PDE4D: variants seen among roughly 807,000 people sequenced by gnomAD.
The protein encoded by PDE4D is phosphodiesterase 4D.
A neutral mutation model predicts 87.4 loss-of-function variants in PDE4D; 24 were observed. The observed-to-expected ratio is 0.27, with a 90% confidence interval of 0.20 to 0.39. The LOEUF is 0.39. Among genes scored for constraint, PDE4D ranks in the 10% least tolerant of loss-of-function variants. PDE4D has a pLI of 1.00. For missense variants in PDE4D, 714 were observed against 1,041.0 expected, an observed-to-expected ratio of 0.69 and a Z score of 4.32; for synonymous variants, 384 against 383.2, an observed-to-expected ratio of 1.00 and a Z score of -0.02.
At chr5:59,713,348 A>G (rs1488348648) in intron 1 of PDE4D, among the ~76,000 whole-genome samples, 1 of 152,206 alleles carries the variant, frequency 6.6e-6, no homozygotes, top group East Asian at 1.9e-4. Context: ...TTATGTAACT[A>G]CACCACGTAA....
At chr5:60,137,433 C>A (rs1780150378) in intron 2 of PDE4D, among the ~76,000 whole-genome samples, 1 of 152,128 alleles carries the variant, frequency 6.6e-6, no homozygotes, top group African/African-American at 2.4e-5. Context: ...TAAAAGCATT[C>A]GTTTTTCTCC....
intron 1 of PDE4D, among the ~76,000 whole-genome samples, chr5:59,327,155 AC>A (rs1331635128): frequency 8.0e-4 from 120 of 150,722 alleles, no homozygotes; most frequent in African/African-American, 2.9e-3. Flanking sequence ...ACACACACAC[AC>A]ACACACACAC....
intron 1 of PDE4D, among the ~76,000 whole-genome samples, chr5:59,452,560 T>C (rs1488898983): frequency 6.6e-6 from 1 of 152,186 alleles, no homozygotes; most frequent in East Asian, 1.9e-4. Context: ...ACACAGCTAC[T>C]GCCTGAGGTG....
chr5:58,982,144 T>C (rs1745310855), intron 11 of PDE4D, among the ~76,000 whole-genome samples: 1 of 152,170 alleles, frequency 6.6e-6, no homozygotes, highest in Non-Finnish European at 1.5e-5. Flanking sequence ...TGCTAGTGGG[T>C]CACTGGGGGT....
chr5:59,994,624 T>C lies in PDE4D; in HGVS notation c.43-5907A>G, dbSNP rs912536049. Among the ~76,000 whole-genome samples the C allele has an allele frequency of 2.6e-5, 4 of 152,120 alleles. No individual in the cohort carries two copies. The East Asian group carries it at 7.7e-4, about 29-fold the overall frequency. ...AACCCCCTATTTCTCTTCCCCTCTG[T>C]AGCCCCTCACCATGTGTTGAAGATG... On this transcript the variant is annotated intron_variant, in intron 2 of 16. Coordinates refer to the PDE4D transcript ENST00000502484.
rs575316943 is a variant in PDE4D at position 59,129,290 on chromosome 5, G to A, written c.808+51305C>T. ...TTTGTTCTTTGTTATTTTTTGTAGA[G>A]ACAGCATCTCCCTATGTTGCCCAGG... On this transcript the variant is annotated intron_variant, in intron 5 of 14. Transcript: ENST00000340635. Among the ~76,000 whole-genome samples the A allele has an allele frequency of 2.0e-5, 3 of 152,254 alleles. No individual in the cohort carries two copies. The East Asian group carries it at 5.8e-4, about 29-fold the overall frequency.
chr5:59,015,755 C>T (rs1034909626), intron 6 of PDE4D, among the ~76,000 whole-genome samples: 2 of 152,112 alleles, frequency 1.3e-5, no homozygotes, highest in African/African-American at 2.4e-5. Context: ...ACCATTTGAC[C>T]CAGCCATCCC....
At chr5:59,023,178 G>GA (rs746740485) in intron 6 of PDE4D, among the ~76,000 whole-genome samples, 103 of 136,398 alleles carry the variant, frequency 7.6e-4, no homozygotes, top group African/African-American at 1.8e-3. Flanking sequence ...CTAACTCAAG[G>GA]AAAAAAAAAA....
At chr5:59,344,938 T>C (rs1779378084) in intron 1 of PDE4D, among the ~76,000 whole-genome samples, 1 of 152,124 alleles carries the variant, frequency 6.6e-6, no homozygotes, top group South Asian at 2.1e-4. Context: ...AATGATCACA[T>C]TTTGACATGG....
chr5:60,513,953 T>C (rs1750684268), intron 1 of PDE4D, among the ~76,000 whole-genome samples: 1 of 150,078 alleles, frequency 6.7e-6, no homozygotes, highest in Admixed American at 6.6e-5. Flanking sequence ...GCAAATTAAG[T>C]CCAAAGAAAA....
intron 1 of PDE4D, among the ~76,000 whole-genome samples, chr5:60,283,092 C>A (rs1752096273): frequency 6.6e-6 from 1 of 152,020 alleles, no homozygotes; most frequent in Non-Finnish European, 1.5e-5. Flanking sequence ...CTACCAATTA[C>A]TGAGAGGGGT....
intron 1 of PDE4D, among the ~76,000 whole-genome samples, chr5:59,280,481 T>A (rs955528950): frequency 3.3e-5 from 5 of 152,080 alleles, no homozygotes; most frequent in African/African-American, 1.2e-4. Flanking sequence ...ACTATCTAAT[T>A]TAAAATTTTC....
intron 6 of PDE4D, among the ~76,000 whole-genome samples, chr5:59,013,793 G>T (rs538221728): frequency 2.3e-4 from 35 of 151,600 alleles, no homozygotes; most frequent in Middle Eastern, 3.4e-3. Flanking sequence ...TAACTCATTT[G>T]ATGAGGCCAG....
intron 3 of PDE4D, among the ~76,000 whole-genome samples, chr5:59,904,458 G>T (rs1752613937): frequency 6.6e-6 from 1 of 152,028 alleles, no homozygotes; most frequent in South Asian, 2.1e-4. Flanking sequence ...GCCTCCAAGG[G>T]GTTTGTGAAT....
At chr5:59,069,723 G>A (rs1764455044) in intron 5 of PDE4D, among the ~76,000 whole-genome samples, 1 of 151,342 alleles carries the variant, frequency 6.6e-6, no homozygotes, top group Non-Finnish European at 1.5e-5. Context: ...GTCTACTGTG[G>A]TTGCAACAAA....
At chr5:60,054,890 T>C (rs936554473) in intron 2 of PDE4D, among the ~76,000 whole-genome samples, 2 of 152,052 alleles carry the variant, frequency 1.3e-5, no homozygotes, top group Admixed American at 6.6e-5. Flanking sequence ...ACATGTTGCA[T>C]AGGAAATTCC....
intron 2 of PDE4D, among the ~76,000 whole-genome samples, chr5:60,019,988 G>A (rs904031422): frequency 1.3e-5 from 2 of 151,914 alleles, no homozygotes; most frequent in African/African-American, 4.8e-5. Flanking sequence ...TCCTCACTAA[G>A]ATTAATCATT....
At chr5:60,503,498 A>G (rs1411882036) in intron 1 of PDE4D, among the ~76,000 whole-genome samples, 1 of 151,976 alleles carries the variant, frequency 6.6e-6, no homozygotes, top group Non-Finnish European at 1.5e-5. Context: ...TTCCTTTGGT[A>G]TTCCTTGCAT....
chr5:60,431,144 G>A (rs1295704580), intron 1 of PDE4D: 46 of 195,688 alleles, frequency 2.4e-4, no homozygotes, highest in African/African-American at 9.6e-4. Context: ...CCTCCCTCCC[G>A]GATGGGGTGG....
Sources: allele counts gnomAD v4.1 joint callset (sites outside exome capture counted in the v4.1 genomes callset), GRCh38; gene constraint gnomAD v4.1.1; transcripts MANE v1.5; gene names NCBI Gene and HGNC (gene_info 2026-07-23, HGNC 2026-07-21).